Variants in VWA2 observed in about 807,000 individuals in gnomAD.
The protein encoded by VWA2 is von Willebrand factor A domain containing 2.
In VWA2, 73 loss-of-function variants were observed where a neutral mutation model predicts 70.4. That is an observed-to-expected ratio of 1.04 (90% confidence interval 0.86 to 1.26). The LOEUF is 1.26. Among genes scored for constraint, VWA2 ranks in the 50% most tolerant of loss-of-function variants. VWA2 has a pLI of 0.00. For missense variants in VWA2, 1,011 were observed against 998.5 expected, an observed-to-expected ratio of 1.01 and a Z score of -0.17; for synonymous variants, 407 against 423.3, an observed-to-expected ratio of 0.96 and a Z score of 0.47.
At position 114,290,268 on chromosome 10, in the gene VWA2, A is replaced by G. The variant is rs1378844679; in HGVS notation, c.2151A>G (p.Lys717=). 6.4e-7 allele frequency: 1 copy of G among 1,550,522 alleles called. No individual in the cohort carries two copies. Among genetic ancestry groups the G allele is most frequent in the East Asian group, 2.4e-5 (1 of 40,904 alleles). Residue 717 remains lysine, a synonymous_variant, in exon 13 of 14, where the codon AAA becomes AAG. Transcript: ENST00000392982. ...GEAKQPVNLC[K]PSPCMNEGSC... Reference sequence around the variant, plus strand: ...CCAAGCAGCCAGTCAACCTCTGCAAACCCAGCCCGTGCATGAATGAGGGCA... The same window carrying G: ...CCAAGCAGCCAGTCAACCTCTGCAAGCCCAGCCCGTGCATGAATGAGGGCA...
In VWA2 at chr10:114,289,403, C is replaced by T; in HGVS notation, c.2036C>T (p.Ala679Val). ...CTAAGTGAGGGTCTGCGGAGGCTTGCAGGTCCCCGGGATTCCCTGATCCAC... is the reference window on the plus strand; with the variant it reads ...CTAAGTGAGGGTCTGCGGAGGCTTGTAGGTCCCCGGGATTCCCTGATCCAC... ...PVLSEGLRRL[A>V]GPRDSLIHVA... is the part of the protein sequence containing the mutation. Residue 679 changes from alanine to valine, a missense_variant, in exon 12 of 14, where the codon GCA becomes GTA. Coordinates refer to ENST00000392982, the MANE Select transcript of VWA2 (RefSeq NM_001272046.2). 6.2e-7 allele frequency: 1 copy of T among 1,601,022 alleles called. No homozygotes were observed. The highest frequency in any genetic ancestry group is 8.6e-7 in the Non-Finnish European group (1 of 1,168,180).
intron 1 of VWA2, among the ~76,000 whole-genome samples, chr10:114,241,518 C>T (rs1471019678): frequency 6.6e-6 from 1 of 152,158 alleles, no homozygotes; most frequent in Non-Finnish European, 1.5e-5. Context: ...ATTTCCCCTC[C>T]TGGCTTTTTA....
chr10:114,286,507 GC>G lies in VWA2; in HGVS notation c.1568del (p.Pro523GlnfsTer20). On this transcript the variant is annotated frameshift_variant, in exon 11 of 14. Coordinates refer to ENST00000392982, the MANE Select transcript of VWA2 (RefSeq NM_001272046.2). LOFTEE classifies it high-confidence loss of function. ...AGGGGAAGCTGTGCAGCCGGCAGCGGCCAGGTAAGGTCCCAGTGCCTGACCC... is the reference window on the plus strand; with the variant it reads ...AGGGGAAGCTGTGCAGCCGGCAGCGGCAGGTAAGGTCCCAGTGCCTGACCC... The part of the protein sequence containing the change: ...LQGKLCSRQR[P>X]GCRTQALDLV... The G allele has an allele frequency of 6.4e-7, 1 of 1,563,148 alleles. No individual in the cohort carries two copies. Among genetic ancestry groups the G allele is most frequent in the Non-Finnish European group, 8.7e-7 (1 of 1,152,102 alleles).
chr10:114,281,694 G>T, intron 8 of VWA2: 1 of 980,714 alleles, frequency 1.0e-6, no homozygotes, highest in Non-Finnish European at 1.2e-6. Flanking sequence ...CAGCACACCT[G>T]GGGTGGAGGG....
intron 6 of VWA2, among the ~76,000 whole-genome samples, chr10:114,276,821 T>C (rs937112753): frequency 6.6e-6 from 1 of 151,998 alleles, no homozygotes; most frequent in African/African-American, 2.4e-5. Flanking sequence ...ACCTGGTCTC[T>C]TTCCGCCTTT....
At chr10:114,290,483 T>C in intron 13 of VWA2, 118 bp downstream of exon 13, 1 of 1,413,122 alleles carries the variant, frequency 7.1e-7, no homozygotes, top group Non-Finnish European at 9.6e-7. Context: ...AAGAAATTAT[T>C]CAGTCGTTTA....
At chr10:114,269,047 A>G (rs1211054070) in intron 5 of VWA2, among the ~76,000 whole-genome samples, 2 of 152,110 alleles carry the variant, frequency 1.3e-5, no homozygotes, top group East Asian at 3.9e-4. Flanking sequence ...TCAGAGGTCA[A>G]GCCATGGGGA....
intron 13 of VWA2, among the ~76,000 whole-genome samples, 171 bp downstream of exon 13, chr10:114,290,536 G>T (rs2039480219): frequency 6.6e-6 from 1 of 152,238 alleles, no homozygotes; most frequent in Non-Finnish European, 1.5e-5. Context: ...CCCAGGCATT[G>T]TTCTCAGTGC....
At chr10:114,256,968 C>T (rs1339518105) in intron 4 of VWA2, among the ~76,000 whole-genome samples, 1 of 150,046 alleles carries the variant, frequency 6.7e-6, no homozygotes, top group Non-Finnish European at 1.5e-5. Context: ...GCTGTCATTA[C>T]TTGGATGAGA....
rs761038837 is a variant in VWA2, at chr10:114,289,186, G to C, written c.1819G>C (p.Val607Leu). The C allele has an allele frequency of 6.2e-7, 1 of 1,613,666 alleles. No homozygotes were observed. The highest frequency in any genetic ancestry group is 8.5e-7 in the Non-Finnish European group (1 of 1,179,828). The change falls in exon 12 of 14, where the codon GTG becomes CTG. Residue 607 changes from valine (V) to leucine (L), a missense_variant. Transcript: ENST00000392982. ...AISQAPYLGGVGSAGTALLHI... is the reference protein window; with the variant it reads ...AISQAPYLGGLGSAGTALLHI... ...TAGCCAGGCCCCCTACCTAGGTGGG[G>C]TGGGCTCAGCCGGCACCGCCCTGCT...
chr10:114,274,480 TTTG>T (rs200429824), intron 6 of VWA2, among the ~76,000 whole-genome samples: 1 of 151,992 alleles, frequency 6.6e-6, no homozygotes, highest in East Asian at 1.9e-4. Context: ...ATGTTTGTTG[TTTG>T]TTGTTGTTTT....
chr10:114,244,178 G>GCCAGC (rs1261178495), intron 1 of VWA2, among the ~76,000 whole-genome samples: 1 of 152,182 alleles, frequency 6.6e-6, no homozygotes, highest in Non-Finnish European at 1.5e-5. Context: ...GAGAGCTGCT[G>GCCAGC]GCAGGTATTA....
At chr10:114,253,489 T>C (rs1017941352) in intron 2 of VWA2, among the ~76,000 whole-genome samples, 162 bp from the exon 3 acceptor site, 9 of 149,744 alleles carry the variant, frequency 6.0e-5, no homozygotes, top group African/African-American at 2.2e-4. Context: ...GGGGGGTTTC[T>C]TTATGTTATC....
intron 1 of VWA2, among the ~76,000 whole-genome samples, chr10:114,243,591 C>T (rs1294932612): frequency 6.6e-6 from 1 of 150,698 alleles, no homozygotes; most frequent in Non-Finnish European, 1.5e-5. Context: ...CTGCCAACGG[C>T]TAATCTATTT....
intron 6 of VWA2, among the ~76,000 whole-genome samples, chr10:114,276,963 G>A (rs890914431): frequency 6.6e-6 from 1 of 152,044 alleles, no homozygotes; most frequent in Non-Finnish European, 1.5e-5. Flanking sequence ...GCTGTGCAAC[G>A]CCTCCCCTGT....
At chr10:114,276,765 C>T (rs954643098) in intron 6 of VWA2, among the ~76,000 whole-genome samples, 13 of 151,364 alleles carry the variant, frequency 8.6e-5, no homozygotes, top group Admixed American at 1.3e-4. Context: ...GGGATTCTCC[C>T]GCCTCGGCCT....
In VWA2 at chr10:114,285,097, C is replaced by A. The variant is rs1170450183; in HGVS notation, c.997+127C>A. 6.0e-6 allele frequency: 4 copies of A among 668,136 alleles called. No individual in the cohort carries two copies. In the East Asian group the frequency reaches 1.3e-4, roughly 21 times the overall value. 41.4% of individuals were successfully genotyped at this position (668,136 alleles called of 1,614,324 possible). A position where few individuals can be genotyped will look rare whatever the true frequency, so the allele number is the denominator to read the frequency against. ...CCCTTGAACCATCTGCTTTCCAATG[C>A]ACCACTGGTCTGCAGTTCACGTGGT... On this transcript the variant is annotated intron_variant, in intron 10 of 13. Coordinates refer to ENST00000392982, the MANE Select transcript of VWA2 (RefSeq NM_001272046.2).
At chr10:114,264,299 C>G (rs1428469904) in intron 5 of VWA2, among the ~76,000 whole-genome samples, 1 of 152,210 alleles carries the variant, frequency 6.6e-6, no homozygotes, top group African/African-American at 2.4e-5. Flanking sequence ...CAATGGAATA[C>G]TATTCAACTG....
At chr10:114,248,630 T>C in intron 1 of VWA2, 74 bp from the exon 2 acceptor site, 1 of 1,312,486 alleles carries the variant, frequency 7.6e-7, no homozygotes, top group Non-Finnish European at 1.1e-6. Flanking sequence ...GTTGGCATCT[T>C]GTTTGGCGGT....
Sources: allele counts gnomAD v4.1 joint callset (sites outside exome capture counted in the v4.1 genomes callset), GRCh38; gene constraint gnomAD v4.1.1; transcripts MANE v1.5; gene names NCBI Gene and HGNC (gene_info 2026-07-23, HGNC 2026-07-21).